CCDC152: variants seen among roughly 807,000 people sequenced by gnomAD.
CCDC152 encodes coiled-coil domain containing 152.
Under a neutral mutation model 38.1 loss-of-function variants are expected in CCDC152, and 37 were observed. The ratio of observed to expected loss-of-function variants is 0.97; its 90% CI spans 0.75 to 1.28. The LOEUF is 1.28. CCDC152 is among the 50% of genes most tolerant of loss of function. The probability of loss-of-function intolerance (pLI) is 0.00; values close to 1 mark genes in which losing one functional copy is unlikely to be tolerated. For synonymous variants in CCDC152, 83 were observed against 87.1 expected (o/e 0.95, Z 0.26); for missense variants, 259 against 292.1 (o/e 0.89, Z 0.83).
At chr5:42,798,272 T>G (rs1370032968) in intron 7 of CCDC152, among the ~76,000 whole-genome samples, 2 of 152,264 alleles carry the variant, frequency 1.3e-5, no homozygotes, top group Non-Finnish European at 2.9e-5. Context: ...TCCATCATTC[T>G]TCCGTTGCTT....
chr5:42,762,307 A>T (rs138556182), intron 2 of CCDC152, 136 bp from the exon 3 acceptor site: 1 of 581,398 alleles, frequency 1.7e-6, no homozygotes, highest in African/African-American at 1.9e-5. Flanking sequence ...TATGCAGTAC[A>T]TGACTGTATA....
intron 7 of CCDC152, among the ~76,000 whole-genome samples, chr5:42,798,809 A>G (rs1427769933): frequency 1.3e-5 from 2 of 152,176 alleles, no homozygotes; most frequent in Non-Finnish European, 2.9e-5. Flanking sequence ...CCTGTTAAGA[A>G]TGGCCTATGA....
intron 4 of CCDC152, among the ~76,000 whole-genome samples, chr5:42,775,084 C>T (rs908017695): frequency 3.4e-5 from 5 of 147,698 alleles, no homozygotes; most frequent in South Asian, 2.1e-4. Flanking sequence ...GTAATAACTA[C>T]GAAAGCTGTA....
At chr5:42,799,340 A>C in intron 7 of CCDC152, 35 bp from the exon 8 acceptor site, 1 of 1,069,222 alleles carries the variant, frequency 9.4e-7, no homozygotes, top group Non-Finnish European at 1.4e-6. Flanking sequence ...CTAATTGTCT[A>C]GAGTTTCAAT....
intron 4 of CCDC152, among the ~76,000 whole-genome samples, chr5:42,777,387 AGGAGGG>A (rs1276984771): frequency 6.6e-6 from 1 of 151,876 alleles, no homozygotes; most frequent in African/African-American, 2.4e-5. Context: ...GCTTGAACCC[AGGAGGG>A]GGAGGTTGCA....
At position 42,799,298 on chromosome 5, in the gene CCDC152, A is replaced by G. The variant is rs568103454; in HGVS notation, c.559-77A>G. 183 of 727,910 alleles carry G rather than the reference A, an allele frequency of 2.5e-4. No homozygotes were observed. In the African/African-American group the frequency reaches 3.1e-3, roughly 12 times the overall value. 45.1% of individuals were successfully genotyped at this position (727,910 alleles called of 1,614,324 possible). On this transcript the variant is annotated intron_variant, in intron 7 of 8. Transcript: ENST00000361970. ...AATTACAGATTACATGTCAAAGGAT[A>G]ACATGGATTATAATTATAGAAACAA...
At chr5:42,769,803 T>C (rs1415014684) in intron 4 of CCDC152, 138 bp downstream of exon 4, 12 of 1,000,268 alleles carry the variant, frequency 1.2e-5, no homozygotes, top group Middle Eastern at 2.7e-4. Context: ...AAAAATACTT[T>C]CCTAGATGAT....
intron 4 of CCDC152, among the ~76,000 whole-genome samples, chr5:42,775,733 TTAAG>T (rs1320442517): frequency 1.1e-4 from 17 of 152,096 alleles, no homozygotes; most frequent in Admixed American, 1.1e-3. Flanking sequence ...CAATGTATTA[TTAAG>T]TAATTATAGC....
intron 5 of CCDC152, among the ~76,000 whole-genome samples, chr5:42,781,769 G>T (rs1015186947): frequency 6.6e-6 from 1 of 152,080 alleles, no homozygotes; most frequent in Non-Finnish European, 1.5e-5. Flanking sequence ...CACACAAGGA[G>T]TTGGGAACAC....
Position 42,762,476 on chromosome 5 carries a change from C to T in CCDC152, c.121C>T (p.Leu41=). The T allele has an allele frequency of 6.5e-7, 1 of 1,532,590 alleles. No homozygotes were observed. Among genetic ancestry groups the T allele is most frequent in the Non-Finnish European group, 8.8e-7 (1 of 1,130,196 alleles). 94.9% of individuals were successfully genotyped at this position (1,532,590 alleles called of 1,614,324 possible). ...MVETNGKNNI[L]DIQLEKSNCL... is the part of the protein sequence containing the mutation. ...AGAAACCAATGGAAAGAACAATATA[C>T]TGGATATTCAGTTGGAAAAAAGTAA... is the stretch of plus-strand genomic sequence containing the variant. Residue 41 remains leucine, a synonymous_variant, in exon 3 of 9, where the codon CTG becomes TTG. Transcript: ENST00000361970.
chr5:42,782,883 T>C (rs1051072494), intron 5 of CCDC152, among the ~76,000 whole-genome samples: 1 of 152,086 alleles, frequency 6.6e-6, no homozygotes, highest in African/African-American at 2.4e-5. Flanking sequence ...AATTTTTTTT[T>C]TGAGACAGAG....
At chr5:42,794,136 G>T (rs1056366155) in intron 6 of CCDC152, among the ~76,000 whole-genome samples, 1 of 152,014 alleles carries the variant, frequency 6.6e-6, no homozygotes, top group Non-Finnish European at 1.5e-5. Context: ...GAACATGTGA[G>T]ATATAGGAAC....
At position 42,799,792 on chromosome 5, in the gene CCDC152, A is replaced by G. The variant is rs1760138544; in HGVS notation, c.*11A>G. On this transcript the variant is annotated 3_prime_UTR_variant, in exon 9 of 9. Transcript: ENST00000361970. ...CGTAGACGGTTTTGAGCTTAGCAGT[A>G]AATTCATTAGTTGGTATTTATTTAA... The G allele has an allele frequency of 1.3e-6, 2 of 1,547,412 alleles. No homozygotes were observed. The highest frequency in any genetic ancestry group is 2.7e-5 in the African/African-American group (2 of 72,822).
intron 6 of CCDC152, among the ~76,000 whole-genome samples, chr5:42,796,022 T>G (rs1760070709): frequency 1.3e-5 from 2 of 149,746 alleles, no homozygotes; most frequent in South Asian, 2.1e-4. Context: ...TTCTCACTCA[T>G]AGGTGGGAAT....
At chr5:42,780,917 T>G (rs1463874268) in intron 5 of CCDC152, among the ~76,000 whole-genome samples, 1 of 152,154 alleles carries the variant, frequency 6.6e-6, no homozygotes, top group Non-Finnish European at 1.5e-5. Flanking sequence ...TTGTAACCTA[T>G]TGGGGATTAG....
At position 42,775,076 on chromosome 5, in the gene CCDC152, A is replaced by G. The variant is rs1759754450; in HGVS notation, c.263-4382A>G. On this transcript the variant is annotated intron_variant, in intron 4 of 8. Coordinates refer to ENST00000361970, the MANE Select transcript of CCDC152 (RefSeq NM_001134848.2). ...GTAACAAAATATTCAAAAACAGTGT[A>G]ATAACTACGAAAGCTGTAACAAACA... Among the ~76,000 whole-genome samples the G allele has an allele frequency of 4.6e-5, 7 of 152,104 alleles. No homozygotes were observed. The South Asian group carries it at 1.4e-3, about 31-fold the overall frequency.
At chr5:42,776,902 A>G (rs1473189744) in intron 4 of CCDC152, among the ~76,000 whole-genome samples, 1 of 152,220 alleles carries the variant, frequency 6.6e-6, no homozygotes, top group African/African-American at 2.4e-5. Context: ...GAAATGCTGC[A>G]AAAACCACAG....
In CCDC152 at chr5:42,799,641, ATTT is replaced by A. The variant is rs28919929; in HGVS notation, c.643-14_643-12del. 2.3e-3 allele frequency: 3,458 copies of A among 1,521,502 alleles called. 63 individuals carry two copies. The African/African-American group carries it at 0.04, about 18-fold the overall frequency. The allele number at this position is 1,521,502 out of a possible 1,614,324, so 94.3% of individuals were successfully genotyped here. A position where few individuals can be genotyped will look rare whatever the true frequency, so the allele number is the denominator to read the frequency against. ...TTTTATTTCTGAATTCTAATAACAAATTTTTTGTTTCGTTTAGAAACTTCAGCA... is the reference window on the plus strand; with the variant it reads ...TTTTATTTCTGAATTCTAATAACAAATTTGTTTCGTTTAGAAACTTCAGCA... On this transcript the variant is annotated splice_polypyrimidine_tract_variant and intron_variant, in intron 8 of 8. Transcript: ENST00000361970.
At chr5:42,759,747 G>C (rs1323940449) in intron 2 of CCDC152, among the ~76,000 whole-genome samples, 2 of 152,104 alleles carry the variant, frequency 1.3e-5, no homozygotes, top group Non-Finnish European at 2.9e-5. Flanking sequence ...AGAAGGGTGA[G>C]TACAGTACAA....
Sources: allele counts gnomAD v4.1 joint callset (sites outside exome capture counted in the v4.1 genomes callset), GRCh38; gene constraint gnomAD v4.1.1; transcripts MANE v1.5; gene names NCBI Gene and HGNC (gene_info 2026-07-23, HGNC 2026-07-21).